The following LRRC4C variants were observed in gnomAD, a reference collection of about 807,000 sequenced individuals.
LRRC4C encodes leucine rich repeat containing 4C.
LRRC4C carries 5 observed loss-of-function variants against 33.6 expected under a neutral mutation model. The observed-to-expected ratio is 0.15, with a 90% CI of 0.08 to 0.31. The LOEUF (loss-of-function observed/expected upper bound fraction) is 0.31, where lower values mean the gene tolerates loss of function less well. Ranked by LOEUF, LRRC4C falls within the 10% of genes least tolerant of loss-of-function variation. The pLI, the probability that LRRC4C is intolerant of heterozygous loss-of-function variation, is 1.00. For synonymous variants in LRRC4C, 329 were observed against 302.0 expected (o/e 1.09, Z -0.93); for missense variants, 560 against 796.7 (o/e 0.70, Z 3.58).
chr11:40,151,422 G>T (rs11035715), intron 5 of LRRC4C, among the ~76,000 whole-genome samples: 38,474 of 152,084 alleles, frequency 0.25, 5,776 homozygotes, highest in Non-Finnish European at 0.34. Context: ...TATGGAACTA[G>T]AGTTTCTAGA....
chr11:41,116,802 C>T (rs1407104837), intron 1 of LRRC4C, among the ~76,000 whole-genome samples: 2 of 152,058 alleles, frequency 1.3e-5, no homozygotes, highest in Non-Finnish European at 2.9e-5. Context: ...CATTATTCAG[C>T]AGAAATTAAC....
intron 5 of LRRC4C, among the ~76,000 whole-genome samples, chr11:40,166,152 A>G (rs1859577514): frequency 1.3e-5 from 2 of 152,174 alleles, no homozygotes; most frequent in African/African-American, 4.8e-5. Flanking sequence ...GAATGTTTAT[A>G]GCAGCACTAT....
Position 40,800,778 on chromosome 11 carries a change from G to GA in LRRC4C, c.-407+132856dup, listed in dbSNP as rs529252421. On this transcript the variant is annotated intron_variant, in intron 2 of 6. Transcript: ENST00000528697. The stretch of plus-strand genomic sequence containing the variant: ...CTTCTGTGTCTTAGCTCTTTCAGAA[G>GA]AAAAAAAAAGCTTTTTCAGATACTT... Among the ~76,000 whole-genome samples, 301 of 150,244 alleles carry GA rather than the reference G, an allele frequency of 2.0e-3. 1 individual carries two copies. Among genetic ancestry groups the GA allele is most frequent in the Non-Finnish European group, 2.9e-3 (193 of 67,440 alleles).
At chr11:40,928,994 CAAG>C (rs746948262) in intron 2 of LRRC4C, among the ~76,000 whole-genome samples, 2 of 152,092 alleles carry the variant, frequency 1.3e-5, no homozygotes, top group Non-Finnish European at 2.9e-5. Flanking sequence ...AATTTAATAT[CAAG>C]AACTGCCTCT....
chr11:40,617,935 A>G (rs978116289), intron 3 of LRRC4C, among the ~76,000 whole-genome samples: 1 of 151,636 alleles, frequency 6.6e-6, no homozygotes, highest in Non-Finnish European at 1.5e-5. Context: ...GAATCTGACT[A>G]TATATTTGAT....
At chr11:40,626,532 A>G (rs1006241814) in intron 3 of LRRC4C, among the ~76,000 whole-genome samples, 32 of 152,156 alleles carry the variant, frequency 2.1e-4, no homozygotes, top group African/African-American at 7.5e-4. Flanking sequence ...GGATGAACAA[A>G]TGTCTCCTCT....
At chr11:41,042,824 A>G (rs1190362751) in intron 1 of LRRC4C, among the ~76,000 whole-genome samples, 1 of 152,090 alleles carries the variant, frequency 6.6e-6, no homozygotes, top group African/African-American at 2.4e-5. Context: ...ACAATTACAG[A>G]CACTTCAACG....
At chr11:41,061,005 G>C (rs764041074) in intron 1 of LRRC4C, among the ~76,000 whole-genome samples, 1 of 150,802 alleles carries the variant, frequency 6.6e-6, no homozygotes, top group Admixed American at 6.6e-5. Context: ...CCTCCACACA[G>C]GTGCATTTCC....
intron 2 of LRRC4C, among the ~76,000 whole-genome samples, chr11:40,734,338 T>C (rs906815960): frequency 2.8e-4 from 42 of 152,318 alleles, no homozygotes; most frequent in African/African-American, 9.4e-4. Flanking sequence ...TCCTAAAATA[T>C]ATCTTTCAGA....
intron 3 of LRRC4C, among the ~76,000 whole-genome samples, chr11:40,515,956 T>A (rs1005842233): frequency 6.6e-6 from 1 of 152,088 alleles, no homozygotes; most frequent in South Asian, 2.1e-4. Flanking sequence ...ATGAGAATAA[T>A]CTTGTTAACT....
At chr11:40,514,795 C>T (rs1472805147) in intron 3 of LRRC4C, among the ~76,000 whole-genome samples, 1 of 152,028 alleles carries the variant, frequency 6.6e-6, no homozygotes, top group Non-Finnish European at 1.5e-5. Context: ...CCAATACAAT[C>T]ATCTAAAAGT....
At chr11:40,542,481 A>T (rs1179884670) in intron 3 of LRRC4C, among the ~76,000 whole-genome samples, 1 of 152,004 alleles carries the variant, frequency 6.6e-6, no homozygotes, top group Admixed American at 6.6e-5. Flanking sequence ...GGTATACCTT[A>T]TATTGCTTTT....
chr11:40,125,907 C>T (rs143148171), intron 6 of LRRC4C, among the ~76,000 whole-genome samples: 1 of 152,248 alleles, frequency 6.6e-6, no homozygotes, highest in East Asian at 1.9e-4. Context: ...CCATTTTTAA[C>T]CCAATCTTGC....
chr11:40,827,922 G>T (rs764706488), intron 2 of LRRC4C, among the ~76,000 whole-genome samples: 11 of 151,572 alleles, frequency 7.3e-5, no homozygotes, highest in Non-Finnish European at 1.5e-4. Context: ...TAGAAAAGAC[G>T]AACAGGTGCT....
At chr11:40,899,886 T>G (rs1166938161) in intron 2 of LRRC4C, among the ~76,000 whole-genome samples, 1 of 152,222 alleles carries the variant, frequency 6.6e-6, no homozygotes, top group African/African-American at 2.4e-5. Context: ...TTTTTCCATT[T>G]TAAAGATATG....
intron 3 of LRRC4C, among the ~76,000 whole-genome samples, chr11:40,415,127 C>T (rs1950279637): frequency 6.6e-6 from 1 of 152,090 alleles, no homozygotes; most frequent in African/African-American, 2.4e-5. Context: ...TCACTGACCT[C>T]GTGCCGTTTG....
chr11:40,403,474 C>A (rs1415950154), intron 3 of LRRC4C, among the ~76,000 whole-genome samples: 1 of 152,078 alleles, frequency 6.6e-6, no homozygotes, highest in South Asian at 2.1e-4. Context: ...AAATTGAAAG[C>A]AAGACCGAAT....
chr11:41,058,472 T>G (rs1319127540), intron 1 of LRRC4C, among the ~76,000 whole-genome samples: 1 of 152,220 alleles, frequency 6.6e-6, no homozygotes, highest in Non-Finnish European at 1.5e-5. Flanking sequence ...GCAGGTAGTG[T>G]GAGCCAAGCA....
intron 5 of LRRC4C, among the ~76,000 whole-genome samples, chr11:40,181,042 C>A (rs1252499229): frequency 6.6e-6 from 1 of 152,128 alleles, no homozygotes. Flanking sequence ...GAAGGTAATA[C>A]CCTTTGAGTA....
Sources: gnomAD v4.1 joint callset for allele counts (sites outside exome capture counted in the v4.1 genomes callset) on GRCh38, gnomAD v4.1.1 for gene constraint, MANE v1.5 for transcripts, NCBI Gene and HGNC (gene_info 2026-07-23, HGNC 2026-07-21) for gene names.